Variants in ARMH3 observed in about 807,000 individuals in gnomAD.
ARMH3 encodes armadillo like helical domain containing 3.
A neutral mutation model predicts 99.1 loss-of-function variants in ARMH3; 60 were observed. The ratio of observed to expected loss-of-function variants is 0.61; its 90% confidence interval spans 0.49 to 0.75. The LOEUF (loss-of-function observed/expected upper bound fraction) is 0.75. ARMH3 is among the 30% of genes least tolerant of loss of function. The pLI, the probability that ARMH3 is intolerant of heterozygous loss-of-function variation, is 0.00. For synonymous variants in ARMH3, 285 were observed against 292.8 expected (o/e 0.97, Z 0.27); for missense variants, 679 against 843.1 (o/e 0.81, Z 2.41).
intron 8 of ARMH3, among the ~76,000 whole-genome samples, chr10:102,018,106 C>T (rs2066789878): frequency 6.6e-6 from 1 of 152,166 alleles, no homozygotes; most frequent in Non-Finnish European, 1.5e-5. Context: ...CTTTTGGGTT[C>T]AGTAATGTAC....
chr10:102,021,782 G>C (rs373138233), intron 8 of ARMH3, among the ~76,000 whole-genome samples: 1 of 151,986 alleles, frequency 6.6e-6, no homozygotes, highest in African/African-American at 2.4e-5. Flanking sequence ...TCCCAACCTC[G>C]TGATCCACCC....
intron 20 of ARMH3, among the ~76,000 whole-genome samples, chr10:101,958,792 T>C (rs1196697742): frequency 6.6e-6 from 1 of 152,190 alleles, no homozygotes; most frequent in East Asian, 1.9e-4. Flanking sequence ...AAAGTAGAGA[T>C]GTGAGCTTTG....
chr10:101,934,187 C>T (rs945819537), intron 23 of ARMH3, among the ~76,000 whole-genome samples: 5 of 152,204 alleles, frequency 3.3e-5, no homozygotes, highest in African/African-American at 1.2e-4. Flanking sequence ...TATTCTTGTT[C>T]CTCAGCCTCC....
chr10:101,914,882 A>AG (rs1277554496), intron 23 of ARMH3, among the ~76,000 whole-genome samples: 1 of 151,690 alleles, frequency 6.6e-6, no homozygotes, highest in Non-Finnish European at 1.5e-5. Context: ...AAAAAAAAAA[A>AG]AAAGCAAACT....
intron 8 of ARMH3, among the ~76,000 whole-genome samples, chr10:102,018,174 T>C (rs900030904): frequency 1.3e-5 from 2 of 152,196 alleles, no homozygotes; most frequent in Admixed American, 1.3e-4. Flanking sequence ...CAATCTCCAA[T>C]GAAGCCCCCG....
At chr10:102,027,500 G>A (rs553930716) in intron 5 of ARMH3, among the ~76,000 whole-genome samples, 1 of 152,150 alleles carries the variant, frequency 6.6e-6, no homozygotes, top group Admixed American at 6.6e-5. Context: ...GAAAGAGAAT[G>A]AATGAGGAAG....
intron 2 of ARMH3, among the ~76,000 whole-genome samples, chr10:102,034,038 C>A (rs762500086): frequency 6.6e-6 from 1 of 152,126 alleles, no homozygotes; most frequent in African/African-American, 2.4e-5. Flanking sequence ...ATATTATCAC[C>A]GTCCTCCCAT....
chr10:101,885,164 C>A (rs1387420773), intron 24 of ARMH3, among the ~76,000 whole-genome samples: 1 of 151,996 alleles, frequency 6.6e-6, no homozygotes, highest in Non-Finnish European at 1.5e-5. Context: ...CAAGTGTTGG[C>A]AAGGATGTGG....
chr10:102,012,983 G>T, intron 9 of ARMH3, 107 bp from the exon 10 acceptor site: 2 of 942,900 alleles, frequency 2.1e-6, no homozygotes, highest in Non-Finnish European at 3.1e-6. Flanking sequence ...AAGAAGTCCT[G>T]CCTGAAAGTT....
At chr10:101,950,128 C>T (rs564654183) in intron 22 of ARMH3, among the ~76,000 whole-genome samples, 7 of 152,218 alleles carry the variant, frequency 4.6e-5, no homozygotes, top group Admixed American at 3.9e-4. Context: ...TCTAATTTAA[C>T]ATAGTAGTGG....
Position 101,956,618 on chromosome 10 carries a change from A to C in ARMH3, c.1684T>G (p.Phe562Val). 6.2e-7 allele frequency: 1 copy of C among 1,613,598 alleles called. No individual in the cohort carries two copies. The highest frequency in any genetic ancestry group is 8.5e-7 in the Non-Finnish European group (1 of 1,179,548). The stretch of plus-strand genomic sequence containing the variant: ...TTACCCATGGAGTAGAGGTTGTCAA[A>C]GCTCTGGTGCATGCGGATAATCTCA... Reference protein sequence around the residue: ...YYEIIRMHQSFDNLYSMVLRL... With the variant: ...YYEIIRMHQSVDNLYSMVLRL... Residue 562 changes from phenylalanine (F) to valine (V), a missense_variant, in exon 22 of 26, where the codon TTT becomes GTT. By Grantham distance (50) the Phe-to-Val change is conservative. This residue lies in a region of ARMH3 where 389 missense variants were observed against 456.5 expected (regional missense o/e 0.85). Transcript: ENST00000370033.
At chr10:102,032,951 T>C (rs888802498) in intron 4 of ARMH3, 75 bp downstream of exon 4, 2 of 1,521,718 alleles carry the variant, frequency 1.3e-6, no homozygotes, top group Non-Finnish European at 1.8e-6. Flanking sequence ...AACTCTAGGT[T>C]CCTCAGTTCA....
At chr10:101,992,439 C>T (rs1383085230) in intron 17 of ARMH3, among the ~76,000 whole-genome samples, 1 of 150,998 alleles carries the variant, frequency 6.6e-6, no homozygotes. Context: ...CCTATAGAAG[C>T]AGCAACAGTA....
intron 13 of ARMH3, among the ~76,000 whole-genome samples, chr10:102,007,353 A>G (rs2066522877): frequency 6.7e-6 from 1 of 149,968 alleles, no homozygotes; most frequent in Admixed American, 6.6e-5. Flanking sequence ...AAAAAAAAAA[A>G]CTGGGGTCAA....
At chr10:101,890,123 T>C (rs1259555339) in intron 23 of ARMH3, among the ~76,000 whole-genome samples, 2 of 152,134 alleles carry the variant, frequency 1.3e-5, no homozygotes, top group Non-Finnish European at 1.5e-5. Flanking sequence ...GTCTTTGTCA[T>C]TTCTTGCCTG....
chr10:102,013,540 A>G (rs1202965291), intron 9 of ARMH3, among the ~76,000 whole-genome samples: 5 of 152,196 alleles, frequency 3.3e-5, no homozygotes, highest in African/African-American at 1.2e-4. Context: ...TCAAACTTTC[A>G]AGGATACATA....
chr10:101,934,944 G>A (rs749119120), intron 23 of ARMH3, among the ~76,000 whole-genome samples: 18 of 151,706 alleles, frequency 1.2e-4, no homozygotes, highest in Non-Finnish European at 2.2e-4. Flanking sequence ...AGTTTAGGAC[G>A]GGTTTTAGAT....
chr10:101,902,646 C>A (rs1020573950), intron 23 of ARMH3, among the ~76,000 whole-genome samples: 1 of 151,938 alleles, frequency 6.6e-6, no homozygotes, highest in Non-Finnish European at 1.5e-5. Context: ...TACTTTCTAC[C>A]ACAGCTCTTT....
At chr10:101,937,042 C>T (rs558518518) in intron 23 of ARMH3, among the ~76,000 whole-genome samples, 346 of 152,308 alleles carry the variant, frequency 2.3e-3, no homozygotes, top group African/African-American at 8.0e-3. Context: ...TGCTCAAGGT[C>T]ACACAATAAG....
Sources: allele counts gnomAD v4.1 joint callset (sites outside exome capture counted in the v4.1 genomes callset), GRCh38; gene constraint gnomAD v4.1.1; regional missense constraint gnomAD v4.1.1; transcripts MANE v1.5; gene names NCBI Gene and HGNC (gene_info 2026-07-23, HGNC 2026-07-21).